Variants in DPF1 observed in about 807,000 individuals in gnomAD.
DPF1 encodes the protein zinc finger protein neuro-d4.
DPF1 carries 14 observed loss-of-function variants against 58.7 expected under a neutral mutation model. The observed-to-expected ratio is 0.24, with a 90% CI of 0.16 to 0.37. The LOEUF (loss-of-function observed/expected upper bound fraction) is 0.37, where lower values mean the gene tolerates loss of function less well. Among genes scored for constraint, DPF1 ranks in the 10% least tolerant of loss-of-function variants. The pLI is 1.00. For synonymous variants in DPF1, 216 were observed against 216.0 expected (o/e 1.00, Z 0.00); for missense variants, 345 against 529.9 (o/e 0.65, Z 3.43).
chr19:38,220,880 C>T (rs1416761726), intron 3 of DPF1, among the ~76,000 whole-genome samples: 1 of 152,122 alleles, frequency 6.6e-6, no homozygotes, highest in Admixed American at 6.5e-5. Flanking sequence ...GAAACTGACC[C>T]CGAGGATCCC....
chr19:38,213,980 G>A, intron 9 of DPF1: 1 of 550,086 alleles, frequency 1.8e-6, no homozygotes, highest in Non-Finnish European at 3.3e-6. Flanking sequence ...ACCACACTCT[G>A]CTCCCCAGAA....
chr19:38,226,966 C>CTTTCTTTTCTTT (rs71179423), upstream of DPF1, among the ~76,000 whole-genome samples: 1,136 of 143,068 alleles, frequency 7.9e-3, 7 homozygotes, highest in Non-Finnish European at 9.2e-3. Context: ...TTCTATTTTT[C>CTTTCTTTTCTTT]TTTCTTTTCT....
chr19:38,212,237 T>TGGGGGGGGGGGGCCCCCCCC, intron 11 of DPF1, 43 bp downstream of exon 11: 1 of 1,256,812 alleles, frequency 8.0e-7, no homozygotes, highest in Non-Finnish European at 1.1e-6. Context: ...GGAGATGGCG[T>TGGGGGGGGGGGGCCCCCCCC]TCCCACCCAC....
At position 38,222,454 on chromosome 19, in the gene DPF1, C is replaced by G. The variant is rs756068867; in HGVS notation, c.201G>C (p.Pro67=). 1.9e-6 allele frequency: 3 copies of G among 1,583,960 alleles called. No homozygotes were observed. The highest frequency in any genetic ancestry group is 1.7e-4 in the Middle Eastern group (1 of 5,958). ...GGGCGGGGTACGTGTAAATCTGTCC[C>G]GGGGCCAAACCTGGAGAGAGAGGGG... ...EKTHRGPGLA[P]GQIYTYPARC... Residue 67 remains proline (P), a synonymous_variant, in exon 3 of 12, where the codon CCG becomes CCC. Transcript: ENST00000355526. This position sits in a 1 kb window ranked among gnomAD's most constrained non-coding sequence, Gnocchi z 4.9.
At chr19:38,224,946 A>G (rs986215392), upstream of DPF1, among the ~76,000 whole-genome samples, 1 of 152,214 alleles carries the variant, frequency 6.6e-6, no homozygotes, top group African/African-American at 2.4e-5. The surrounding 1 kb of genome is among the most constrained non-coding windows in gnomAD (Gnocchi z 4.5). Context: ...ATATAGGTAA[A>G]GCATTTTAAG....
chr19:38,227,356 G>A (rs186821311), upstream of DPF1, among the ~76,000 whole-genome samples: 141 of 152,146 alleles, frequency 9.3e-4, no homozygotes, highest in East Asian at 0.015. Flanking sequence ...GAGATTACAG[G>A]CATAAGCCAC....
chr19:38,219,269 G>C (rs966584506), intron 3 of DPF1: 4 of 640,008 alleles, frequency 6.2e-6, no homozygotes, highest in Admixed American at 3.1e-5. Context: ...GACACGGTCA[G>C]AACTTTGGAT....
At chr19:38,216,304 C>T (rs766122998) in intron 8 of DPF1, 45 bp from the exon 9 acceptor site, 2 of 1,610,568 alleles carry the variant, frequency 1.2e-6, no homozygotes, top group Non-Finnish European at 1.7e-6. Context: ...GGCAAGGGCA[C>T]CCCGCAAAGG....
chr19:38,226,649 G>T (rs796349767), upstream of DPF1, among the ~76,000 whole-genome samples: 4 of 151,998 alleles, frequency 2.6e-5, no homozygotes, highest in South Asian at 6.2e-4. Context: ...ATATGGCCTG[G>T]AGTGGTGACA....
Position 38,212,357 on chromosome 19 carries a change from T to G in DPF1, c.1016A>C (p.Gln339Pro). The change falls in exon 11 of 12, where the codon CAG becomes CCG. Residue 339 changes from glutamine (Q) to proline (P), a missense_variant. By Grantham distance (76) the Gln-to-Pro change is moderately conservative (BLOSUM62 -1). Coordinates refer to ENST00000355526, the MANE Select transcript of DPF1 (RefSeq NM_001135155.3). Reference protein sequence around the residue: ...SLCGTSENDDQLLFCDDCDRG... With the variant: ...SLCGTSENDDPLLFCDDCDRG... ...ATCGCAGTCATCACAAAACAGCAGC[T>G]GGTCCTGGGGGGTGAGACCCGCCCA... The G allele has an allele frequency of 8.9e-6, 11 of 1,240,982 alleles. No homozygotes were observed. Among genetic ancestry groups the G allele is most frequent in the South Asian group, 3.4e-5 (2 of 59,448 alleles). 76.9% of individuals were successfully genotyped at this position (1,240,982 alleles called of 1,614,324 possible).
chr19:38,224,081 G>A lies in DPF1; in HGVS notation c.29+33C>T. ...CACAGGCCCGCGTAGACCCGCCCGC[G>A]CTTCCTCTCCGCCTCCCGCCGGCCC... is the stretch of plus-strand genomic sequence containing the variant. On this transcript the variant is annotated intron_variant, in intron 1 of 11. Coordinates refer to ENST00000355526, the MANE Select transcript of DPF1 (RefSeq NM_001135155.3). The surrounding 1 kb of genome is among the most constrained non-coding windows in gnomAD (Gnocchi z 4.5). 6.7e-7 allele frequency: 1 copy of A among 1,493,186 alleles called. No individual in the cohort carries two copies. The highest frequency in any genetic ancestry group is 8.8e-7 in the Non-Finnish European group (1 of 1,133,776). The allele number at this position is 1,493,186 out of a possible 1,614,324, so 92.5% of individuals were successfully genotyped here.
chr19:38,214,542 C>G (rs1214159811), intron 9 of DPF1, among the ~76,000 whole-genome samples: 1 of 152,242 alleles, frequency 6.6e-6, no homozygotes, highest in East Asian at 1.9e-4. Context: ...AAACCACATT[C>G]TGTTAACCAC....
At chr19:38,223,082 C>T (rs1031964026) in intron 1 of DPF1, 1 of 253,092 alleles carries the variant, frequency 4.0e-6, no homozygotes, top group Non-Finnish European at 7.5e-6. Flanking sequence ...AACAGACAAA[C>T]CTCACACACG....
intron 9 of DPF1, chr19:38,213,976 C>T: frequency 1.8e-6 from 1 of 554,774 alleles, no homozygotes; most frequent in South Asian, 2.3e-5. Flanking sequence ...GGCAACCACA[C>T]TCTGCTCCCC....
At position 38,211,294 on chromosome 19, in the gene DPF1, A is replaced by G. The variant is rs1391979508; in HGVS notation, c.*769T>C. The G allele has an allele frequency of 6.6e-6, 1 of 151,886 alleles. No individual in the cohort carries two copies. The highest frequency in any genetic ancestry group is 2.4e-5 in the African/African-American group (1 of 41,356). The allele number at this position is 151,886 out of a possible 1,614,324, so 9.4% of individuals were successfully genotyped here. ...TGGCGGGGCGGGAGGAGGGAGAGAA[A>G]AGGAGTCCGTGGCGGAGTCTGTGCT... On this transcript the variant is annotated 3_prime_UTR_variant, in exon 12 of 12. Transcript: ENST00000355526. This position sits in a 1 kb window ranked among gnomAD's most constrained non-coding sequence, Gnocchi z 4.0.
At position 38,222,844 on chromosome 19, in the gene DPF1, C is replaced by T; in HGVS notation, c.30-136G>A. ...ACCCCTCCAGCCTCACCTCTCCCCT[C>T]CTCCCACTCCGGGACCCAGGCTGGG... On this transcript the variant is annotated intron_variant, in intron 1 of 11. Transcript: ENST00000355526. The surrounding 1 kb of genome is among the most constrained non-coding windows in gnomAD (Gnocchi z 4.9). 2 of 1,255,848 alleles carry T rather than the reference C, an allele frequency of 1.6e-6. No homozygotes were observed. The highest frequency in any genetic ancestry group is 2.1e-6 in the Non-Finnish European group (2 of 957,470). 77.8% of individuals were successfully genotyped at this position (1,255,848 alleles called of 1,614,324 possible).
In DPF1 at chr19:38,216,314, G is replaced by A. The variant is rs765278359; in HGVS notation, c.778+39C>T. On this transcript the variant is annotated intron_variant, in intron 8 of 11. Transcript: ENST00000355526. Reference sequence around the variant, plus strand: ...GGGCAGGCAAGGGCACCCCGCAAAGGTGGCTGCAGACTTTAGGAGCAGAAG... The same window carrying A: ...GGGCAGGCAAGGGCACCCCGCAAAGATGGCTGCAGACTTTAGGAGCAGAAG... The A allele has an allele frequency of 4.1e-5, 66 of 1,608,506 alleles. No individual in the cohort carries two copies. In the Admixed American group the frequency reaches 1.0e-3, roughly 25 times the overall value.
In DPF1 at chr19:38,222,428, C is replaced by T; in HGVS notation, c.227G>A (p.Arg76His). Reference sequence around the variant, plus strand: ...GAGTCTCCGTTTCTTCCTCCAACAGCGGGCGGGGTACGTGTAAATCTGTCC... The same window carrying T: ...GAGTCTCCGTTTCTTCCTCCAACAGTGGGCGGGGTACGTGTAAATCTGTCC... ...APGQIYTYPA[R>H]CWRKKRRLNI... Residue 76 changes from arginine (R) to histidine (H), a missense_variant, in exon 3 of 12, where the codon CGC becomes CAC. By Grantham distance (29) the Arg-to-His change is conservative. Transcript: ENST00000355526. This position sits in a 1 kb window ranked among gnomAD's most constrained non-coding sequence, Gnocchi z 4.9. 6.3e-7 allele frequency: 1 copy of T among 1,586,444 alleles called. No individual in the cohort carries two copies. The highest frequency in any genetic ancestry group is 8.5e-7 in the Non-Finnish European group (1 of 1,172,472).
chr19:38,225,259 AAAT>A (rs1435367716), upstream of DPF1, among the ~76,000 whole-genome samples: 1 of 135,442 alleles, frequency 7.4e-6, no homozygotes, highest in East Asian at 2.1e-4. Context: ...ATAAATAAAT[AAAT>A]AATAAGAAAG....
Sources: allele counts gnomAD v4.1 joint callset (sites outside exome capture counted in the v4.1 genomes callset), GRCh38; gene constraint gnomAD v4.1.1; non-coding constraint Gnocchi (gnomAD v3.1); transcripts MANE v1.5; gene names NCBI Gene and HGNC (gene_info 2026-07-23, HGNC 2026-07-21).